Variants in TRPM6 observed in about 807,000 individuals in gnomAD.
TRPM6 encodes channel kinase 2.
Under a neutral mutation model 247.6 loss-of-function variants are expected in TRPM6, and 111 were observed. The ratio of observed to expected loss-of-function variants is 0.45; its 90% CI spans 0.38 to 0.52. The LOEUF (loss-of-function observed/expected upper bound fraction) is 0.52, where lower values mean the gene tolerates loss of function less well. Ranked by LOEUF, TRPM6 falls within the 20% of genes least tolerant of loss-of-function variation. The pLI is 0.00. For synonymous variants in TRPM6, 892 were observed against 853.8 expected, an observed-to-expected ratio of 1.04 and a Z score of -0.78; for missense variants, 2,126 against 2,421.5, an observed-to-expected ratio of 0.88 and a Z score of 2.56.
chr9:74,871,445 A>G (rs550105659), intron 1 of TRPM6, among the ~76,000 whole-genome samples: 6 of 152,298 alleles, frequency 3.9e-5, no homozygotes, highest in South Asian at 2.1e-4. Flanking sequence ...TAATAATGAT[A>G]TGTAATAACC....
intron 29 of TRPM6, among the ~76,000 whole-genome samples, chr9:74,751,789 G>A (rs375933617): frequency 1.3e-5 from 2 of 152,080 alleles, no homozygotes; most frequent in African/African-American, 4.8e-5. Context: ...TTGACTGATC[G>A]CACTAGTGAG....
intron 3 of TRPM6, among the ~76,000 whole-genome samples, chr9:74,844,326 C>T (rs1380912927): frequency 1.3e-5 from 2 of 152,176 alleles, no homozygotes; most frequent in African/African-American, 2.4e-5. Flanking sequence ...TCTCAGATGG[C>T]ATCTTCTTCC....
At chr9:74,818,828 C>T (rs949999243) in intron 9 of TRPM6, among the ~76,000 whole-genome samples, 11 of 151,362 alleles carry the variant, frequency 7.3e-5, no homozygotes, top group Admixed American at 2.0e-4. Context: ...ACATAGATTT[C>T]GTCATGCTTC....
Position 74,724,648 on chromosome 9 carries a change from C to T in TRPM6, c.6034G>A (p.Gly2012Ser). 6.2e-7 allele frequency: 1 copy of T among 1,614,140 alleles called. No homozygotes were observed. ...ATATCATCTTCTGGGGAATTTCTAC[C>T]CGTCTCCCTTGCTGGAGGCTCCTCA... is the stretch of plus-strand genomic sequence containing the variant. Reference protein sequence around the residue: ...SAEEPPARETGRNSPEDDMQL With the variant: ...SAEEPPARETSRNSPEDDMQL Residue 2012 changes from glycine to serine, a missense_variant, in exon 39 of 39, where the codon GGT (glycine) becomes AGT (serine). Around this residue, in one of 3 missense-constraint regions of TRPM6, gnomAD observed 327 missense variants for 397.7 expected, o/e 0.82. Coordinates refer to ENST00000360774, the MANE Select transcript of TRPM6 (RefSeq NM_017662.5).
chr9:74,732,552 T>C, intron 37 of TRPM6, 133 bp downstream of exon 37: 2 of 626,078 alleles, frequency 3.2e-6, no homozygotes, highest in Non-Finnish European at 5.6e-6. Flanking sequence ...TTGTTTTTGG[T>C]CTATATACAT....
chr9:74,844,587 C>A (rs1830048393), intron 3 of TRPM6, among the ~76,000 whole-genome samples: 1 of 152,174 alleles, frequency 6.6e-6, no homozygotes, highest in Non-Finnish European at 1.5e-5. Context: ...GAGTTAGGAC[C>A]TTATTCTGGA....
intron 1 of TRPM6, among the ~76,000 whole-genome samples, chr9:74,878,306 C>T (rs1564063758): frequency 6.6e-6 from 1 of 152,172 alleles, no homozygotes; most frequent in Non-Finnish European, 1.5e-5. Flanking sequence ...AAGTCACCTG[C>T]AGGCCCAAGA....
chr9:74,736,826 A>C (rs1825712043), intron 36 of TRPM6, among the ~76,000 whole-genome samples: 1 of 152,236 alleles, frequency 6.6e-6, no homozygotes, highest in East Asian at 1.9e-4. Context: ...TGTTCTGTTT[A>C]ATGTTACTTT....
chr9:74,839,056 G>A (rs1320035343), intron 5 of TRPM6, among the ~76,000 whole-genome samples: 3 of 148,378 alleles, frequency 2.0e-5, no homozygotes, highest in African/African-American at 7.6e-5. Flanking sequence ...ATCGCAGTGA[G>A]CCAAGACTGC....
At chr9:74,748,287 T>C (rs908185595) in intron 30 of TRPM6, among the ~76,000 whole-genome samples, 1 of 152,236 alleles carries the variant, frequency 6.6e-6, no homozygotes, top group African/African-American at 2.4e-5. Flanking sequence ...TACTTGATGA[T>C]CATGATGGAT....
At chr9:74,858,171 G>A (rs1177078470) in intron 2 of TRPM6, among the ~76,000 whole-genome samples, 6 of 152,148 alleles carry the variant, frequency 3.9e-5, no homozygotes, top group African/African-American at 9.7e-5. Flanking sequence ...GGTGGATCAC[G>A]AGGTCAGGAG....
At chr9:74,833,420 A>C (rs1829610184) in intron 6 of TRPM6, among the ~76,000 whole-genome samples, 1 of 152,364 alleles carries the variant, frequency 6.6e-6, no homozygotes, top group East Asian at 1.9e-4. Flanking sequence ...GTAATACAAG[A>C]TAACAGATGA....
rs1386409756 is a variant in TRPM6, at chr9:74,742,673, G to A, written c.5135-47C>T. On this transcript the variant is annotated intron_variant, in intron 32 of 38. Transcript: ENST00000360774. The stretch of plus-strand genomic sequence containing the variant: ...CTATTTTAAGTATGCATCAGTGGCT[G>A]AATTTACAGAAAGCCTCTCCACATC... The A allele has an allele frequency of 4.6e-6, 7 of 1,523,998 alleles. 1 individual carries two copies. In the East Asian group the frequency reaches 6.8e-5, roughly 15 times the overall value. 94.4% of individuals were successfully genotyped at this position (1,523,998 alleles called of 1,614,324 possible).
intron 1 of TRPM6, among the ~76,000 whole-genome samples, chr9:74,884,476 G>A (rs910292203): frequency 2.0e-5 from 3 of 151,444 alleles, no homozygotes; most frequent in Non-Finnish European, 4.4e-5. Flanking sequence ...GAGACAGAGC[G>A]AGACTCTGTC....
intron 27 of TRPM6, among the ~76,000 whole-genome samples, chr9:74,756,570 CAG>C (rs1318743928): frequency 6.7e-6 from 1 of 149,632 alleles, no homozygotes; most frequent in East Asian, 2.0e-4. Flanking sequence ...AGGCCAGGCA[CAG>C]TGGTTCACAC....
rs1314532321 is a variant in TRPM6 at position 74,724,644 on chromosome 9, C to T, written c.6038G>A (p.Arg2013Lys). Residue 2013 changes from arginine to lysine, a missense_variant, in exon 39 of 39, where the codon AGA becomes AAA. By Grantham distance (26) the Arg-to-Lys change is conservative. Around this residue, in one of 3 missense-constraint regions of TRPM6, gnomAD observed 327 missense variants for 397.7 expected, o/e 0.82. Transcript: ENST00000360774. ...AEEPPARETG[R>K]NSPEDDMQL Reference sequence around the variant, plus strand: ...TTGCATATCATCTTCTGGGGAATTTCTACCCGTCTCCCTTGCTGGAGGCTC... The same window carrying T: ...TTGCATATCATCTTCTGGGGAATTTTTACCCGTCTCCCTTGCTGGAGGCTC... 6.2e-7 allele frequency: 1 copy of T among 1,614,188 alleles called. No individual in the cohort carries two copies. Among genetic ancestry groups the T allele is most frequent in the Admixed American group, 1.7e-5 (1 of 60,026 alleles).
intron 1 of TRPM6, among the ~76,000 whole-genome samples, chr9:74,871,507 G>T (rs1357116884): frequency 6.6e-6 from 1 of 151,964 alleles, no homozygotes; most frequent in Non-Finnish European, 1.5e-5. Flanking sequence ...TCCCTAATAT[G>T]GAAGTCCCAT....
intron 8 of TRPM6, among the ~76,000 whole-genome samples, chr9:74,820,712 GC>G (rs1370300875): frequency 6.6e-6 from 1 of 152,144 alleles, no homozygotes; most frequent in African/African-American, 2.4e-5. Flanking sequence ...GCCAGCCTGG[GC>G]AAAATAGCAA....
At chr9:74,817,105 A>G in intron 9 of TRPM6, 141 bp from the exon 10 acceptor site, 1 of 844,948 alleles carries the variant, frequency 1.2e-6, no homozygotes, top group Non-Finnish European at 1.9e-6. Flanking sequence ...CTTACAGGAG[A>G]GAAAACTTTT....
Sources: allele counts gnomAD v4.1 joint callset (sites outside exome capture counted in the v4.1 genomes callset), GRCh38; gene constraint gnomAD v4.1.1; regional missense constraint gnomAD v4.1.1; transcripts MANE v1.5; gene names NCBI Gene and HGNC (gene_info 2026-07-23, HGNC 2026-07-21).